Variants in EFCAB7 observed in about 807,000 individuals in gnomAD.
EFCAB7 encodes the protein EF-hand calcium-binding domain-containing protein 7.
Under a neutral mutation model 77.1 loss-of-function variants are expected in EFCAB7, and 66 were observed. The observed-to-expected ratio is 0.86, with a 90% CI of 0.70 to 1.05. The LOEUF (loss-of-function observed/expected upper bound fraction) is 1.05. EFCAB7 is among the 50% of genes least tolerant of loss of function. EFCAB7 has a pLI of 0.00. For missense variants in EFCAB7, 638 were observed against 730.5 expected (o/e 0.87, Z 1.46); for synonymous variants, 225 against 243.3 (o/e 0.92, Z 0.70).
At chr1:63,552,620 C>T (rs1035882008) in intron 8 of EFCAB7, among the ~76,000 whole-genome samples, 3 of 152,112 alleles carry the variant, frequency 2.0e-5, no homozygotes, top group Admixed American at 6.6e-5. Flanking sequence ...AGTATATTTA[C>T]TCAGAGGCCA....
At chr1:63,542,811 T>G (rs183615205) in intron 6 of EFCAB7, among the ~76,000 whole-genome samples, 299 of 152,310 alleles carry the variant, frequency 2.0e-3, no homozygotes, top group Middle Eastern at 3.4e-3. Flanking sequence ...TCTGGTGGTT[T>G]GTTTTGTTGT....
chr1:63,532,669 G>A lies in EFCAB7; in HGVS notation c.400-1G>A. ...AAATAAATCTTGTTTTTTTTTTTCAGAGAGGTGAGAAGATGACTCGAGAAG... is the reference window on the plus strand; with the variant it reads ...AAATAAATCTTGTTTTTTTTTTTCAAAGAGGTGAGAAGATGACTCGAGAAG... On this transcript the variant is annotated splice_acceptor_variant, in intron 3 of 13. Transcript: ENST00000371088. LOFTEE classifies it high-confidence loss of function. The A allele has an allele frequency of 6.4e-7, 1 of 1,572,638 alleles. No homozygotes were observed. Among genetic ancestry groups the A allele is most frequent in the Non-Finnish European group, 8.6e-7 (1 of 1,165,878 alleles).
intron 5 of EFCAB7, 88 bp from the exon 6 acceptor site, chr1:63,534,007 T>G: frequency 7.2e-7 from 1 of 1,395,074 alleles, no homozygotes; most frequent in Non-Finnish European, 9.9e-7. Flanking sequence ...AGTAATACAG[T>G]AGATCTTTTA....
At chr1:63,561,681 A>T (rs751399302) in intron 10 of EFCAB7, 28 bp from the exon 11 acceptor site, 2 of 1,495,904 alleles carry the variant, frequency 1.3e-6, no homozygotes, top group South Asian at 2.6e-5. Flanking sequence ...TAAATTATGT[A>T]AGAAAAAACT....
intron 11 of EFCAB7, among the ~76,000 whole-genome samples, chr1:63,565,248 A>G (rs553458076): frequency 6.6e-6 from 1 of 152,018 alleles, no homozygotes; most frequent in South Asian, 2.1e-4. Context: ...AGTCCCAGCT[A>G]CTCGGGAGGC....
chr1:63,573,508 C>T (rs1340277593), downstream of EFCAB7, among the ~76,000 whole-genome samples: 1 of 152,098 alleles, frequency 6.6e-6, no homozygotes, highest in Non-Finnish European at 1.5e-5. Context: ...TATTTGTTTA[C>T]TTTAAGAGGG....
rs1646713033 is a variant in EFCAB7, at chr1:63,532,668, A to G, written c.400-2A>G. Reference sequence around the variant, plus strand: ...AAAATAAATCTTGTTTTTTTTTTTCAGAGAGGTGAGAAGATGACTCGAGAA... The same window carrying G: ...AAAATAAATCTTGTTTTTTTTTTTCGGAGAGGTGAGAAGATGACTCGAGAA... On this transcript the variant is annotated splice_acceptor_variant, in intron 3 of 13. Coordinates refer to ENST00000371088, the MANE Select transcript of EFCAB7 (RefSeq NM_032437.4). LOFTEE classifies it high-confidence loss of function. 1.3e-6 allele frequency: 2 copies of G among 1,572,394 alleles called. No homozygotes were observed. The highest frequency in any genetic ancestry group is 1.7e-6 in the Non-Finnish European group (2 of 1,165,636).
rs534861492 is a variant in EFCAB7, at chr1:63,572,636, A to G, written c.*120A>G. The stretch of plus-strand genomic sequence containing the variant: ...ATAATAATCTATTCAATTTATATGC[A>G]TTTTCATTTTATGTCCATGGTATGT... On this transcript the variant is annotated 3_prime_UTR_variant, in exon 14 of 14. Transcript: ENST00000371088. 6.2e-6 allele frequency: 7 copies of G among 1,124,756 alleles called. No individual in the cohort carries two copies. Among genetic ancestry groups the G allele is most frequent in the Admixed American group, 8.5e-5 (2 of 23,542 alleles). 69.7% of individuals were successfully genotyped at this position (1,124,756 alleles called of 1,614,324 possible). A position where few individuals can be genotyped will look rare whatever the true frequency, so the allele number is the denominator to read the frequency against.
At chr1:63,536,986 C>T (rs976485961) in intron 6 of EFCAB7, among the ~76,000 whole-genome samples, 1 of 152,144 alleles carries the variant, frequency 6.6e-6, no homozygotes, top group Non-Finnish European at 1.5e-5. Flanking sequence ...AGGGACTTTT[C>T]AGAAATTAGA....
intron 6 of EFCAB7, among the ~76,000 whole-genome samples, chr1:63,545,403 A>T (rs532107546): frequency 6.6e-6 from 1 of 152,288 alleles, no homozygotes; most frequent in African/African-American, 2.4e-5. Context: ...TTAGGAACTT[A>T]GATTATAGTA....
chr1:63,559,472 C>T lies in EFCAB7; in HGVS notation c.1348+2225C>T, dbSNP rs539413657. On this transcript the variant is annotated intron_variant, in intron 10 of 13. Coordinates refer to ENST00000371088, the MANE Select transcript of EFCAB7 (RefSeq NM_032437.4). The stretch of plus-strand genomic sequence containing the variant: ...GTTCATAGTTTACATTAGGTTCAGT[C>T]TTTTTGTTTGTTTGTTTGAGTCACT... 8.6e-5 allele frequency among the ~76,000 whole-genome samples: 13 copies of T among 152,042 alleles called. No individual in the cohort carries two copies. In the East Asian group the frequency reaches 1.9e-3, roughly 23 times the overall value.
intron 11 of EFCAB7, among the ~76,000 whole-genome samples, chr1:63,567,213 G>A (rs1171470642): frequency 6.6e-6 from 1 of 152,180 alleles, no homozygotes; most frequent in African/African-American, 2.4e-5. Context: ...AGCACTTTGG[G>A]AGGCCAAGGC....
intron 2 of EFCAB7, among the ~76,000 whole-genome samples, chr1:63,527,636 T>G (rs1646618533): frequency 6.6e-6 from 1 of 152,196 alleles, no homozygotes; most frequent in Non-Finnish European, 1.5e-5. Context: ...ATCATCAAAC[T>G]TAATCATTAG....
chr1:63,546,215 CTG>C (rs1179813758), intron 7 of EFCAB7, among the ~76,000 whole-genome samples, 158 bp downstream of exon 7: 7 of 152,248 alleles, frequency 4.6e-5, no homozygotes, highest in African/African-American at 1.7e-4. Context: ...TATACATGAA[CTG>C]TGTTAATCAT....
At chr1:63,557,891 G>A (rs1478815240) in intron 10 of EFCAB7, among the ~76,000 whole-genome samples, 2 of 152,166 alleles carry the variant, frequency 1.3e-5, no homozygotes, top group Non-Finnish European at 2.9e-5. Flanking sequence ...AGAACAAGAG[G>A]TATGAGGAGA....
At chr1:63,529,975 C>A (rs2100868014) in intron 2 of EFCAB7, 1 of 152,112 alleles carries the variant, frequency 6.6e-6, no homozygotes, top group South Asian at 2.1e-4. Context: ...CCTCAGGTGA[C>A]CTGCCCACCT....
At chr1:63,531,664 CTT>C (rs1646697404) in intron 2 of EFCAB7, among the ~76,000 whole-genome samples, 154 bp from the exon 3 acceptor site, 1 of 152,048 alleles carries the variant, frequency 6.6e-6, no homozygotes. Flanking sequence ...TCAGGCCTAT[CTT>C]GGTATCACTA....
Position 63,535,214 on chromosome 1 carries a change from T to C in EFCAB7, c.804+998T>C, listed in dbSNP as rs529341031. Among the ~76,000 whole-genome samples, 22 of 152,226 alleles carry C rather than the reference T, an allele frequency of 1.4e-4. 1 individual carries two copies. The East Asian group carries it at 4.1e-3, about 28-fold the overall frequency. ...TATTAATGTGGATTATGTTAAGTTA[T>C]AGTAAGACTTTGTCTCTGTGTCATT... On this transcript the variant is annotated intron_variant, in intron 6 of 13. Transcript: ENST00000371088.
intron 11 of EFCAB7, among the ~76,000 whole-genome samples, chr1:63,567,099 C>CA (rs1205525655): frequency 1.3e-5 from 2 of 152,006 alleles, no homozygotes; most frequent in Non-Finnish European, 2.9e-5. Context: ...ATAAAATAGT[C>CA]AAAGTTCCTG....
Sources: gnomAD v4.1 joint callset for allele counts (sites outside exome capture counted in the v4.1 genomes callset) on GRCh38, gnomAD v4.1.1 for gene constraint, MANE v1.5 for transcripts, NCBI Gene and HGNC (gene_info 2026-07-23, HGNC 2026-07-21) for gene names.